Variants in PICK1 observed in about 807,000 individuals in gnomAD.
PICK1 encodes the protein protein interacting with PRKCA 1.
In PICK1, 23 loss-of-function variants were observed where a neutral mutation model predicts 48.9. The observed-to-expected ratio is 0.47, with a 90% CI of 0.34 to 0.67. The LOEUF (loss-of-function observed/expected upper bound fraction) is 0.67, where lower values mean the gene tolerates loss of function less well. Among genes scored for constraint, PICK1 ranks in the 30% least tolerant of loss-of-function variants. The probability of loss-of-function intolerance (pLI) is 0.01; values close to 1 mark genes in which losing one functional copy is unlikely to be tolerated. For synonymous variants in PICK1, 217 were observed against 228.2 expected (o/e 0.95, Z 0.44); for missense variants, 423 against 557.1 (o/e 0.76, Z 2.42).
rs1217779270 is a variant in PICK1 at position 38,075,577 on chromosome 22, G to A, written c.*445G>A. ...GGGCACCCTTGCCTCGCCCCAGACC[G>A]GCCCGTCCAGTCCCCATCACACCTC... On this transcript the variant is annotated 3_prime_UTR_variant, in exon 13 of 13. Coordinates refer to ENST00000356976, the MANE Select transcript of PICK1 (RefSeq NM_012407.4). The A allele has an allele frequency of 2.8e-5, 5 of 177,372 alleles. No homozygotes were observed. The East Asian group carries it at 4.1e-4, about 15-fold the overall frequency. The allele number at this position is 177,372 out of a possible 1,614,324, so 11.0% of individuals were successfully genotyped here. A position where few individuals can be genotyped will look rare whatever the true frequency, so the allele number is the denominator to read the frequency against.
At position 38,074,375 on chromosome 22, in the gene PICK1, C is replaced by G; in HGVS notation, c.903C>G (p.Arg301=). The G allele has an allele frequency of 6.2e-7, 1 of 1,613,046 alleles. No homozygotes were observed. The highest frequency in any genetic ancestry group is 8.5e-7 in the Non-Finnish European group (1 of 1,179,972). Residue 301 remains arginine (R), a synonymous_variant, in exon 12 of 13, where the codon CGC becomes CGG. Coordinates refer to ENST00000356976, the MANE Select transcript of PICK1 (RefSeq NM_012407.4). This position sits in a 1 kb window ranked among gnomAD's most constrained non-coding sequence, Gnocchi z 4.5. ...NYEYRLILRC[R]QEARARFSQM... is the part of the protein sequence containing the mutation. Reference sequence around the variant, plus strand: ...AGTACCGCCTGATCCTGCGCTGCCGCCAGGAGGCGCGCGCCCGCTTCTCCC... The same window carrying G: ...AGTACCGCCTGATCCTGCGCTGCCGGCAGGAGGCGCGCGCCCGCTTCTCCC...
intron 3 of PICK1, among the ~76,000 whole-genome samples, chr22:38,060,166 A>G (rs2085365068): frequency 1.3e-5 from 2 of 152,232 alleles, no homozygotes; most frequent in African/African-American, 4.8e-5. Flanking sequence ...AGCTGAGATC[A>G]CGCCACTGCA....
At position 38,073,605 on chromosome 22, in the gene PICK1, C is replaced by T. The variant is rs1321481649; in HGVS notation, c.784-168C>T. ...TGGGCCTTGAGTTTGGTCAACTCGG[C>T]CGCCTAAGCCTCAGGCCCTGTCATC... is the stretch of plus-strand genomic sequence containing the variant. On this transcript the variant is annotated intron_variant, in intron 10 of 12. Coordinates refer to ENST00000356976, the MANE Select transcript of PICK1 (RefSeq NM_012407.4). The surrounding 1 kb of genome is among the most constrained non-coding windows in gnomAD (Gnocchi z 5.7). Among the ~76,000 whole-genome samples, 1 of 152,194 alleles carries T rather than the reference C, an allele frequency of 6.6e-6. No individual in the cohort carries two copies. Among genetic ancestry groups the T allele is most frequent in the African/African-American group, 2.4e-5 (1 of 41,444 alleles).
In PICK1 at chr22:38,074,719, C is replaced by A; in HGVS notation, c.980-145C>A. 2.6e-6 allele frequency: 3 copies of A among 1,165,304 alleles called. No individual in the cohort carries two copies. The highest frequency in any genetic ancestry group is 1.4e-5 in the South Asian group (1 of 70,614). The allele number at this position is 1,165,304 out of a possible 1,614,324, so 72.2% of individuals were successfully genotyped here. A position where few individuals can be genotyped will look rare whatever the true frequency, so the allele number is the denominator to read the frequency against. On this transcript the variant is annotated intron_variant, in intron 12 of 12. Transcript: ENST00000356976. The surrounding 1 kb of genome is among the most constrained non-coding windows in gnomAD (Gnocchi z 4.5). ...GGCTGGGCGGCCCCTGCCTCCGCCC[C>A]TTGCCAGGTCATGAGGGGTCAGGGA...
In PICK1 at chr22:38,075,547, C is replaced by T. The variant is rs1480669332; in HGVS notation, c.*415C>T. On this transcript the variant is annotated 3_prime_UTR_variant, in exon 13 of 13. Transcript: ENST00000356976. ...GGACAGCTGAGGTTGGGGTCAATGC[C>T]TCCTGGGCACCCTTGCCTCGCCCCA... The T allele has an allele frequency of 1.0e-5, 2 of 190,660 alleles. No homozygotes were observed. The highest frequency in any genetic ancestry group is 2.2e-5 in the Non-Finnish European group (2 of 90,988). 11.8% of individuals were successfully genotyped at this position (190,660 alleles called of 1,614,324 possible). A position where few individuals can be genotyped will look rare whatever the true frequency, so the allele number is the denominator to read the frequency against.
At chr22:38,068,179 G>T in intron 5 of PICK1, 1 of 460,470 alleles carries the variant, frequency 2.2e-6, no homozygotes, top group Admixed American at 2.4e-5. Context: ...CTCCTCCCTG[G>T]CCTCTCCTGC....
chr22:38,057,290 G>C (rs1011982925), upstream of PICK1: 9 of 179,660 alleles, frequency 5.0e-5, no homozygotes, highest in African/African-American at 2.1e-4. Context: ...ACTTGTTCTC[G>C]TTCTTGGTTC....
In PICK1 at chr22:38,073,790, G is replaced by C; in HGVS notation, c.801G>C (p.Val267=). The C allele has an allele frequency of 1.2e-6, 2 of 1,613,698 alleles. No individual in the cohort carries two copies. The highest frequency in any genetic ancestry group is 1.6e-4 in the Middle Eastern group (1 of 6,062). ...CCACACAGTCGTACTGCCTGAAGGT[G>C]AAGGAGATGGATGACGAGGAATACA... is the stretch of plus-strand genomic sequence containing the variant. ...KFEYLSYCLK[V]KEMDDEEYSC... The change falls in exon 11 of 13, where the codon GTG becomes GTC. Residue 267 remains valine (V), a synonymous_variant. Transcript: ENST00000356976. This position sits in a 1 kb window ranked among gnomAD's most constrained non-coding sequence, Gnocchi z 5.7.
intron 6 of PICK1, among the ~76,000 whole-genome samples, chr22:38,070,390 T>C (rs985250285): frequency 3.9e-5 from 6 of 152,244 alleles, no homozygotes; most frequent in Non-Finnish European, 7.3e-5. Context: ...AGCCAATGAC[T>C]GATCACCAAG....
At position 38,075,428 on chromosome 22, in the gene PICK1, A is replaced by G; in HGVS notation, c.*296A>G. On this transcript the variant is annotated 3_prime_UTR_variant, in exon 13 of 13. Transcript: ENST00000356976. ...AGGAAGGAGAGGGAGGGCAGGAAGG[A>G]AAAGAAAGGACTTGGAGGTGGCAGG... 2.5e-6 allele frequency: 1 copy of G among 400,522 alleles called. No homozygotes were observed. Among genetic ancestry groups the G allele is most frequent in the Non-Finnish European group, 4.5e-6 (1 of 221,054 alleles). 24.8% of individuals were successfully genotyped at this position (400,522 alleles called of 1,614,324 possible).
At chr22:38,063,875 C>T (rs1235884636) in intron 3 of PICK1, among the ~76,000 whole-genome samples, 2 of 151,858 alleles carry the variant, frequency 1.3e-5, no homozygotes, top group African/African-American at 2.4e-5. Flanking sequence ...TATTTTGATG[C>T]ACCAGTTTTA....
Position 38,057,601 on chromosome 22 carries a change from A to C in PICK1, c.-58+14A>C. 2 of 610,448 alleles carry C rather than the reference A, an allele frequency of 3.3e-6. No individual in the cohort carries two copies. The highest frequency in any genetic ancestry group is 1.9e-5 in the South Asian group (1 of 53,186). The allele number at this position is 610,448 out of a possible 1,614,324, so 37.8% of individuals were successfully genotyped here. On this transcript the variant is annotated intron_variant, in intron 1 of 12. Transcript: ENST00000356976. Reference sequence around the variant, plus strand: ...CCTTTGTACCTAGTAAGAATCACCTACCCAGCCCCCCACCCGGAGACTGTC... The same window carrying C: ...CCTTTGTACCTAGTAAGAATCACCTCCCCAGCCCCCCACCCGGAGACTGTC...
intron 3 of PICK1, among the ~76,000 whole-genome samples, chr22:38,063,659 T>C (rs906709126): frequency 1.7e-4 from 26 of 149,346 alleles, no homozygotes; most frequent in African/African-American, 6.6e-4. Flanking sequence ...TTTTTTTTTT[T>C]CGAGACAGTG....
chr22:38,059,058 C>A (rs2085337849), intron 2 of PICK1, among the ~76,000 whole-genome samples, 176 bp from the exon 3 acceptor site: 1 of 152,150 alleles, frequency 6.6e-6, no homozygotes, highest in South Asian at 2.1e-4. Context: ...GGGGTTTGAT[C>A]CCACATCTGC....
At position 38,074,775 on chromosome 22, in the gene PICK1, A is replaced by G; in HGVS notation, c.980-89A>G. The G allele has an allele frequency of 2.6e-6, 4 of 1,512,968 alleles. No homozygotes were observed. Among genetic ancestry groups the G allele is most frequent in the Non-Finnish European group, 3.6e-6 (4 of 1,112,506 alleles). 93.7% of individuals were successfully genotyped at this position (1,512,968 alleles called of 1,614,324 possible). A position where few individuals can be genotyped will look rare whatever the true frequency, so the allele number is the denominator to read the frequency against. On this transcript the variant is annotated intron_variant, in intron 12 of 12. Coordinates refer to ENST00000356976, the MANE Select transcript of PICK1 (RefSeq NM_012407.4). The surrounding 1 kb of genome is among the most constrained non-coding windows in gnomAD (Gnocchi z 4.5). Reference sequence around the variant, plus strand: ...CCGAGTGGGAAGCCCAGGGGAGGCGAGAGGTGGGCCGGGTGGGCTGGGAGA... The same window carrying G: ...CCGAGTGGGAAGCCCAGGGGAGGCGGGAGGTGGGCCGGGTGGGCTGGGAGA...
At position 38,074,778 on chromosome 22, in the gene PICK1, G is replaced by T. The variant is rs1049779036; in HGVS notation, c.980-86G>T. On this transcript the variant is annotated intron_variant, in intron 12 of 12. Coordinates refer to ENST00000356976, the MANE Select transcript of PICK1 (RefSeq NM_012407.4). The surrounding 1 kb of genome is among the most constrained non-coding windows in gnomAD (Gnocchi z 4.5). ...AGTGGGAAGCCCAGGGGAGGCGAGAGGTGGGCCGGGTGGGCTGGGAGAGTC... is the reference window on the plus strand; with the variant it reads ...AGTGGGAAGCCCAGGGGAGGCGAGATGTGGGCCGGGTGGGCTGGGAGAGTC... 28 of 1,543,012 alleles carry T rather than the reference G, an allele frequency of 1.8e-5. No individual in the cohort carries two copies. The South Asian group carries it at 3.0e-4, about 16-fold the overall frequency.
chr22:38,071,621 C>T, intron 7 of PICK1, 61 bp from the exon 8 acceptor site: 2 of 1,484,898 alleles, frequency 1.3e-6, no homozygotes, highest in South Asian at 2.3e-5. Flanking sequence ...GAGGCCTTGC[C>T]CTGGGCCAGT....
chr22:38,059,316 C>T lies in PICK1; in HGVS notation c.124C>T (p.Gln42Ter). 6.4e-7 allele frequency: 1 copy of T among 1,565,166 alleles called. No individual in the cohort carries two copies. The highest frequency in any genetic ancestry group is 1.2e-5 in the South Asian group (1 of 84,980). ...CGGGATCAGCATTGGAGGAGGGGCC[C>T]AGTACTGTCCCTGCCTCTATATCGT... The part of the protein sequence containing the change: ...LIGISIGGGA[Q>*]YCPCLYIVQV... The change falls in exon 3 of 13, where the codon CAG (glutamine) becomes TAG (stop). Residue 42 changes from glutamine to a stop codon, truncating the protein, a stop_gained. Coordinates refer to ENST00000356976, the MANE Select transcript of PICK1 (RefSeq NM_012407.4). LOFTEE classifies it high-confidence loss of function.
chr22:38,073,713 G>T lies in PICK1; in HGVS notation c.784-60G>T. 1 of 1,464,754 alleles carries T rather than the reference G, an allele frequency of 6.8e-7. No homozygotes were observed. 90.7% of individuals were successfully genotyped at this position (1,464,754 alleles called of 1,614,324 possible). ...CTGCTGCGTGTGGGTGATGGGGGTGGAGCTGGGGACCTGGGGTGGGGGTAG... is the reference window on the plus strand; with the variant it reads ...CTGCTGCGTGTGGGTGATGGGGGTGTAGCTGGGGACCTGGGGTGGGGGTAG... On this transcript the variant is annotated intron_variant, in intron 10 of 12. Transcript: ENST00000356976. The surrounding 1 kb of genome is among the most constrained non-coding windows in gnomAD (Gnocchi z 5.7).
Sources: allele counts gnomAD v4.1 joint callset (sites outside exome capture counted in the v4.1 genomes callset), GRCh38; gene constraint gnomAD v4.1.1; non-coding constraint Gnocchi (gnomAD v3.1); transcripts MANE v1.5; gene names NCBI Gene and HGNC (gene_info 2026-07-23, HGNC 2026-07-21).